EML6: variants seen among roughly 807,000 people sequenced by gnomAD.
The protein encoded by EML6 is EMAP like 6.
Under a neutral mutation model 240.1 loss-of-function variants are expected in EML6, and 154 were observed. The ratio of observed to expected loss-of-function variants is 0.64; its 90% confidence interval spans 0.56 to 0.73. The LOEUF (loss-of-function observed/expected upper bound fraction) is 0.73. Among genes scored for constraint, EML6 ranks in the 30% least tolerant of loss-of-function variants. The pLI is 0.00. For synonymous variants in EML6, 1,148 were observed against 899.0 expected (o/e 1.28, Z -4.95); for missense variants, 2,964 against 2,474.6 (o/e 1.20, Z -4.20).
chr2:54,945,644 C>G (rs1675660337), intron 28 of EML6, among the ~76,000 whole-genome samples: 2 of 152,170 alleles, frequency 1.3e-5, no homozygotes, highest in African/African-American at 4.8e-5. Flanking sequence ...TCCCTGAGCA[C>G]TTTGGCCCTG....
chr2:54,802,223 GC>G (rs982762514), intron 2 of EML6, among the ~76,000 whole-genome samples: 12 of 152,098 alleles, frequency 7.9e-5, no homozygotes, highest in Non-Finnish European at 1.3e-4. Flanking sequence ...TGGAAAGAAT[GC>G]CCCCGATACA....
At chr2:54,848,741 A>T (rs1045495004) in intron 9 of EML6, among the ~76,000 whole-genome samples, 3 of 152,162 alleles carry the variant, frequency 2.0e-5, no homozygotes, top group African/African-American at 4.8e-5. Context: ...CTGTCTCACA[A>T]TTGTAGGGAA....
intron 24 of EML6, among the ~76,000 whole-genome samples, chr2:54,904,660 TG>T (rs1319082251): frequency 1.3e-5 from 2 of 151,896 alleles, no homozygotes; most frequent in African/African-American, 2.4e-5. Flanking sequence ...GGGAGGGGAA[TG>T]TGGAGACACA....
intron 2 of EML6, among the ~76,000 whole-genome samples, chr2:54,787,682 G>A (rs1363403970): frequency 1.3e-5 from 2 of 152,162 alleles, no homozygotes; most frequent in Non-Finnish European, 2.9e-5. Flanking sequence ...TTGCTCATGG[G>A]GAACTTGGGA....
intron 28 of EML6, among the ~76,000 whole-genome samples, chr2:54,939,124 C>A (rs926270647): frequency 8.5e-5 from 13 of 152,168 alleles, no homozygotes; most frequent in Non-Finnish European, 1.9e-4. Flanking sequence ...TTCATTCTAG[C>A]CCATGGATTA....
intron 2 of EML6, among the ~76,000 whole-genome samples, chr2:54,757,630 G>A (rs1667794731): frequency 6.6e-6 from 1 of 152,120 alleles, no homozygotes; most frequent in Admixed American, 6.5e-5. Context: ...GTTCTGCTGG[G>A]TGAGAGGAGG....
Position 54,853,705 on chromosome 2 carries a change from G to A in EML6, c.1507G>A (p.Val503Met), listed in dbSNP as rs1337404686. Residue 503 changes from valine (V) to methionine (M), a missense_variant, in exon 11 of 42, where the codon GTG (valine) becomes ATG (methionine). Physicochemically the swap from Val to Met is conservative, Grantham distance 21. Coordinates refer to ENST00000356458, the MANE Select transcript of EML6 (RefSeq NM_001039753.4). ...GATTCCTTGGGCCTCCTGGACATGCGTGAAAGGCCCTGAAGTGAGTGGAAT... is the reference window on the plus strand; with the variant it reads ...GATTCCTTGGGCCTCCTGGACATGCATGAAAGGCCCTGAAGTGAGTGGAAT... ...KGIPWASWTC[V>M]KGPEVSGIWP... is the part of the protein sequence containing the mutation. The A allele has an allele frequency of 1.5e-5, 24 of 1,551,154 alleles. No individual in the cohort carries two copies. The highest frequency in any genetic ancestry group is 8.3e-5 in the South Asian group (7 of 83,950).
chr2:54,890,688 G>C (rs942595169), intron 17 of EML6, among the ~76,000 whole-genome samples: 1 of 152,130 alleles, frequency 6.6e-6, no homozygotes, highest in Non-Finnish European at 1.5e-5. Flanking sequence ...ACAAGAGGAG[G>C]AAAAGAGAAG....
chr2:54,873,731 G>A (rs1464459713), intron 16 of EML6, among the ~76,000 whole-genome samples: 2 of 143,950 alleles, frequency 1.4e-5, no homozygotes, highest in African/African-American at 5.2e-5. Flanking sequence ...TGAAATGCCC[G>A]TTAAAGTAGC....
chr2:54,856,581 C>A (rs961917131), intron 11 of EML6, among the ~76,000 whole-genome samples: 1 of 152,156 alleles, frequency 6.6e-6, no homozygotes, highest in Non-Finnish European at 1.5e-5. Flanking sequence ...CTTGGAGGGG[C>A]TGGTGCTGGC....
chr2:54,861,851 G>A (rs1286181403), intron 12 of EML6, among the ~76,000 whole-genome samples: 4 of 150,848 alleles, frequency 2.7e-5, no homozygotes, highest in African/African-American at 7.3e-5. Context: ...CCAGATAAAC[G>A]AGCAAGACAT....
At chr2:54,803,192 G>C (rs190835968) in intron 2 of EML6, among the ~76,000 whole-genome samples, 1 of 152,316 alleles carries the variant, frequency 6.6e-6, no homozygotes, top group Non-Finnish European at 1.5e-5. Flanking sequence ...CCAGAGCTCC[G>C]TGTGAGCTGC....
chr2:54,904,765 T>TG (rs1017967654), intron 24 of EML6, among the ~76,000 whole-genome samples: 8 of 152,100 alleles, frequency 5.3e-5, no homozygotes, highest in Non-Finnish European at 7.4e-5. Flanking sequence ...CCTCCCATCT[T>TG]GGGGAGAAGA....
chr2:54,816,739 A>G (rs1416255884), intron 3 of EML6, 48 bp from the exon 4 acceptor site: 1 of 1,325,028 alleles, frequency 7.5e-7, no homozygotes, highest in Non-Finnish European at 1.1e-6. Flanking sequence ...ACGTGTCAGT[A>G]AGTCTTCCCA....
At chr2:54,838,048 C>G (rs575824215) in intron 7 of EML6, among the ~76,000 whole-genome samples, 1 of 152,220 alleles carries the variant, frequency 6.6e-6, no homozygotes, top group Non-Finnish European at 1.5e-5. Context: ...TGTGCTGGAA[C>G]ATAGCCTTTT....
intron 24 of EML6, among the ~76,000 whole-genome samples, chr2:54,906,575 A>G (rs1673339221): frequency 6.6e-6 from 1 of 152,190 alleles, no homozygotes; most frequent in African/African-American, 2.4e-5. Context: ...TTGAAAAGCC[A>G]CCATGCTTCT....
At position 54,954,489 on chromosome 2, in the gene EML6, C is replaced by T. The variant is rs140188503; in HGVS notation, c.4486+333C>T. ...CTTAGCCACCTTCCTACCCAAGGGT[C>T]CTTGTCTTCCGTGCTCTTTCTGATG... On this transcript the variant is annotated intron_variant, in intron 32 of 41. Transcript: ENST00000356458. 4.8e-3 allele frequency among the ~76,000 whole-genome samples: 737 copies of T among 152,346 alleles called. 5 individuals carry two copies. Among genetic ancestry groups the T allele is most frequent in the African/African-American group, 0.017 (705 of 41,578 alleles).
chr2:54,899,521 G>C (rs1030772345), intron 21 of EML6, 120 bp from the exon 22 acceptor site: 3 of 1,011,336 alleles, frequency 3.0e-6, no homozygotes, highest in Non-Finnish European at 4.2e-6. Flanking sequence ...CTCAAAGTGT[G>C]TTTATTCCTA....
At chr2:54,863,718 A>T in intron 12 of EML6, 65 bp from the exon 13 acceptor site, 2 of 770,272 alleles carry the variant, frequency 2.6e-6, no homozygotes, top group Non-Finnish European at 4.4e-6. Context: ...AAAATATTTT[A>T]GATAATTTCA....
Sources: gnomAD v4.1 joint callset for allele counts (sites outside exome capture counted in the v4.1 genomes callset) on GRCh38, gnomAD v4.1.1 for gene constraint, MANE v1.5 for transcripts, NCBI Gene and HGNC (gene_info 2026-07-23, HGNC 2026-07-21) for gene names.